Variants in DTNB observed in about 807,000 individuals in gnomAD.
DTNB encodes the protein dystrobrevin beta.
In DTNB, 63 loss-of-function variants were observed where a neutral mutation model predicts 90.7. The ratio of observed to expected loss-of-function variants is 0.69; its 90% confidence interval spans 0.57 to 0.86. The LOEUF is 0.86. DTNB is among the 40% of genes least tolerant of loss of function. DTNB has a pLI of 0.00. For missense variants in DTNB, 744 were observed against 807.1 expected (o/e 0.92, Z 0.95); for synonymous variants, 277 against 286.7 (o/e 0.97, Z 0.34).
intron 9 of DTNB, among the ~76,000 whole-genome samples, chr2:25,512,205 T>C (rs942718634): frequency 6.6e-6 from 1 of 152,106 alleles, no homozygotes; most frequent in Non-Finnish European, 1.5e-5. Flanking sequence ...CTCCAAAAAC[T>C]CATAAAAAAT....
At chr2:25,570,406 C>CAAAAAAAAAAAAAAAA (rs146251976) in intron 8 of DTNB, among the ~76,000 whole-genome samples, 8 of 89,902 alleles carry the variant, frequency 8.9e-5, no homozygotes, top group African/African-American at 4.1e-4. Context: ...TTTCCTGTCT[C>CAAAAAAAAAAAAAAAA]AAAAAAAAAA....
chr2:25,624,375 C>G (rs1195687038), intron 4 of DTNB, among the ~76,000 whole-genome samples: 1 of 152,178 alleles, frequency 6.6e-6, no homozygotes, highest in African/African-American at 2.4e-5. Flanking sequence ...GCTCGGTGTT[C>G]AAAGAAGCCA....
At chr2:25,451,806 T>C (rs762135804) in intron 11 of DTNB, among the ~76,000 whole-genome samples, 171 bp from the exon 12 acceptor site, 1 of 152,194 alleles carries the variant, frequency 6.6e-6, no homozygotes, top group Non-Finnish European at 1.5e-5. Context: ...TTTAGAGAAA[T>C]GAGGAGGCCA....
chr2:25,546,145 A>G (rs77468104), intron 8 of DTNB, among the ~76,000 whole-genome samples: 1,671 of 152,236 alleles, frequency 0.011, 31 homozygotes, highest in African/African-American at 0.038. Context: ...GCATCAACCA[A>G]TCAGAACTCA....
intron 15 of DTNB, among the ~76,000 whole-genome samples, chr2:25,422,792 T>C (rs1017275514): frequency 3.9e-5 from 6 of 152,280 alleles, no homozygotes; most frequent in African/African-American, 7.2e-5. Flanking sequence ...CTAGATTAAA[T>C]AGGAAGTTTT....
Position 25,446,167 on chromosome 2 carries a change from A to C in DTNB, c.1257+5381T>G, listed in dbSNP as rs115775617. Among the ~76,000 whole-genome samples the C allele has an allele frequency of 7.0e-3, 1,058 of 152,200 alleles. 20 individuals are homozygous for C. The highest frequency in any genetic ancestry group is 0.024 in the African/African-American group (1,007 of 41,508). On this transcript the variant is annotated intron_variant, in intron 12 of 20. Coordinates refer to ENST00000406818, the MANE Select transcript of DTNB (RefSeq NM_021907.5). ...TCTAGTTCCTTTTGGTATACTATTC[A>C]ACCGTCTGTTTTTATAAGGAAAATT...
chr2:25,398,735 C>T (rs572793903), intron 16 of DTNB, among the ~76,000 whole-genome samples: 57 of 152,144 alleles, frequency 3.7e-4, no homozygotes, highest in Non-Finnish European at 7.4e-4. Context: ...TACTCTCCCC[C>T]ATGCTGTCTG....
At position 25,427,645 on chromosome 2, in the gene DTNB, G is replaced by A; in HGVS notation, c.1458-14C>T. The A allele has an allele frequency of 1.2e-6, 2 of 1,610,980 alleles. No homozygotes were observed. The highest frequency in any genetic ancestry group is 1.7e-6 in the Non-Finnish European group (2 of 1,179,462). On this transcript the variant is annotated splice_polypyrimidine_tract_variant and intron_variant, in intron 14 of 20. Coordinates refer to ENST00000406818, the MANE Select transcript of DTNB (RefSeq NM_021907.5). ...TCCTTCCTTTGCCTATCCAAGACGA[G>A]AAGCCTATCAGATAAAGAGACCCTC...
intron 3 of DTNB, among the ~76,000 whole-genome samples, chr2:25,628,763 C>A (rs975215587): frequency 1.3e-5 from 2 of 152,138 alleles, no homozygotes; most frequent in African/African-American, 4.8e-5. Context: ...ATTACTTTAG[C>A]CGAGCAACTA....
At chr2:25,526,553 G>A (rs186747858) in intron 9 of DTNB, among the ~76,000 whole-genome samples, 27 of 151,394 alleles carry the variant, frequency 1.8e-4, no homozygotes, top group African/African-American at 5.6e-4. Flanking sequence ...TGGCCGCCAC[G>A]CCTGGCTAAT....
Position 25,541,217 on chromosome 2 carries a change from G to A in DTNB, c.877-9620C>T, listed in dbSNP as rs191749639. ...GTTCAGGCCAGGCACAGTGGCTCAC[G>A]CCTGTAACCCCAGCACTTTGGGAGG... On this transcript the variant is annotated intron_variant, in intron 8 of 20. Coordinates refer to ENST00000406818, the MANE Select transcript of DTNB (RefSeq NM_021907.5). Among the ~76,000 whole-genome samples the A allele has an allele frequency of 2.0e-4, 30 of 152,166 alleles. 1 individual carries two copies. The East Asian group carries it at 4.6e-3, about 23-fold the overall frequency.
Position 25,387,386 on chromosome 2 carries a change from G to T in DTNB, c.1736-8C>A, listed in dbSNP as rs377346651. 4 of 1,609,978 alleles carry T rather than the reference G, an allele frequency of 2.5e-6. No homozygotes were observed. The highest frequency in any genetic ancestry group is 1.7e-5 in the Admixed American group (1 of 59,954). On this transcript the variant is annotated splice_region_variant and splice_polypyrimidine_tract_variant and intron_variant, in intron 17 of 20. Coordinates refer to ENST00000406818, the MANE Select transcript of DTNB (RefSeq NM_021907.5). The surrounding 1 kb of genome is among the most constrained non-coding windows in gnomAD (Gnocchi z 4.5). ...GGAGGTTTCTCCTCGTACCTGAGGA[G>T]AGGCAGAGCAGATGGGGATGCCAGG...
At chr2:25,403,092 C>G (rs2044164569) in intron 16 of DTNB, among the ~76,000 whole-genome samples, 2 of 152,154 alleles carry the variant, frequency 1.3e-5, no homozygotes, top group South Asian at 4.1e-4. Flanking sequence ...CCCAGTTTGC[C>G]TAGCCCTATT....
chr2:25,482,736 G>A lies in DTNB; in HGVS notation c.1079+60C>T, dbSNP rs564400511. ...GCTTTTCAGGCCTCATTTCTGGCAG[G>A]GGCATCGCAAATCAGTAGCAGAGGC... On this transcript the variant is annotated intron_variant, in intron 10 of 20. Coordinates refer to ENST00000406818, the MANE Select transcript of DTNB (RefSeq NM_021907.5). 7.7e-6 allele frequency: 12 copies of A among 1,550,578 alleles called. 1 individual carries two copies. In the East Asian group the frequency reaches 1.3e-4, roughly 17 times the overall value.
At chr2:25,461,067 C>A (rs774062218) in intron 10 of DTNB, among the ~76,000 whole-genome samples, 1 of 152,128 alleles carries the variant, frequency 6.6e-6, no homozygotes, top group Non-Finnish European at 1.5e-5. Context: ...CCACGCCCAG[C>A]TAATTTTTGT....
intron 10 of DTNB, among the ~76,000 whole-genome samples, chr2:25,465,423 G>T (rs1325816543): frequency 6.6e-6 from 1 of 151,570 alleles, no homozygotes; most frequent in Non-Finnish European, 1.5e-5. Context: ...GTATGTATAT[G>T]GGAACTTACT....
intron 8 of DTNB, among the ~76,000 whole-genome samples, chr2:25,556,553 AT>A (rs1179065447): frequency 7.2e-5 from 11 of 152,230 alleles, no homozygotes; most frequent in African/African-American, 2.7e-4. Flanking sequence ...GTAGCAGGTA[AT>A]TGGGATGCAA....
chr2:25,614,032 A>T (rs2069467411), intron 4 of DTNB, among the ~76,000 whole-genome samples: 1 of 152,228 alleles, frequency 6.6e-6, no homozygotes, highest in Admixed American at 6.5e-5. Context: ...CTATTTTGAC[A>T]TATGAAAACC....
At chr2:25,400,980 A>G (rs1401375923) in intron 16 of DTNB, among the ~76,000 whole-genome samples, 1 of 152,204 alleles carries the variant, frequency 6.6e-6, no homozygotes, top group Non-Finnish European at 1.5e-5. Context: ...ATGTTCCAAG[A>G]AAAGTGTTCA....
Sources: allele counts gnomAD v4.1 joint callset (sites outside exome capture counted in the v4.1 genomes callset), GRCh38; gene constraint gnomAD v4.1.1; non-coding constraint Gnocchi (gnomAD v3.1); transcripts MANE v1.5; gene names NCBI Gene and HGNC (gene_info 2026-07-23, HGNC 2026-07-21).